Variants in WNT9B observed in about 807,000 individuals in gnomAD.
WNT9B encodes the protein Wnt family member 9B, also known as protein Wnt-9b.
Under a neutral mutation model 30.2 loss-of-function variants are expected in WNT9B, and 12 were observed. The ratio of observed to expected loss-of-function variants is 0.40; its 90% CI spans 0.26 to 0.64. The LOEUF (loss-of-function observed/expected upper bound fraction) is 0.64. Among genes scored for constraint, WNT9B ranks in the 30% least tolerant of loss-of-function variants. The pLI is 0.42. For synonymous variants in WNT9B, 218 were observed against 216.9 expected, an observed-to-expected ratio of 1.01 and a Z score of -0.05; for missense variants, 442 against 485.2, an observed-to-expected ratio of 0.91 and a Z score of 0.84.
chr17:46,847,357 T>G (rs1299153399), upstream of WNT9B, among the ~76,000 whole-genome samples: 1 of 152,206 alleles, frequency 6.6e-6, no homozygotes, highest in Non-Finnish European at 1.5e-5. Context: ...CTTTCTGGAC[T>G]TTAGTGCCCT....
At chr17:46,885,313 T>TC, downstream of WNT9B, 1 of 252,778 alleles carries the variant, frequency 4.0e-6, no homozygotes, top group Non-Finnish European at 7.8e-6. Flanking sequence ...GCCAGCATTT[T>TC]TTTTTTTGAG....
upstream of WNT9B, chr17:46,851,575 G>A: frequency 1.1e-6 from 1 of 924,102 alleles, no homozygotes; most frequent in Non-Finnish European, 1.4e-6. The surrounding 1 kb of genome is among the most constrained non-coding windows in gnomAD (Gnocchi z 4.3). Context: ...GCGGGCGGGT[G>A]GTGGCGGAGC....
rs1054975787 is a variant in WNT9B, at chr17:46,878,461, G to A, written c.*1743G>A. Among the ~76,000 whole-genome samples, 6 of 152,334 alleles carry A rather than the reference G, an allele frequency of 3.9e-5. No individual in the cohort carries two copies. The East Asian group carries it at 7.7e-4, about 20-fold the overall frequency. On this transcript the variant is annotated 3_prime_UTR_variant, in exon 4 of 4. Transcript: ENST00000290015. Reference sequence around the variant, plus strand: ...GCTGGAAGGATTTTTGACTGCAGAGGCCCGGCTGAGAAGCCAAACTGACCT... The same window carrying A: ...GCTGGAAGGATTTTTGACTGCAGAGACCCGGCTGAGAAGCCAAACTGACCT...
chr17:46,839,932 CTTTCTTTCTT>C (rs1272368790), intron 1 of WNT9B, among the ~76,000 whole-genome samples: 23 of 138,288 alleles, frequency 1.7e-4, no homozygotes, highest in Non-Finnish European at 3.2e-4. Context: ...TTCTTTCTTT[CTTTCTTTCTT>C]TCTTTCTTTC....
chr17:46,883,778 C>A (rs1024445722), downstream of WNT9B, among the ~76,000 whole-genome samples: 3 of 152,166 alleles, frequency 2.0e-5, no homozygotes, highest in East Asian at 1.9e-4. Flanking sequence ...ATCTTCCAGT[C>A]CTGCCACTTG....
chr17:46,869,891 C>T (rs1471814529), intron 1 of WNT9B, among the ~76,000 whole-genome samples: 4 of 151,624 alleles, frequency 2.6e-5, no homozygotes, highest in South Asian at 2.1e-4. Context: ...CCCAGCTACT[C>T]GGGAGGCTGA....
chr17:46,884,841 G>C (rs945552731), downstream of WNT9B, among the ~76,000 whole-genome samples: 11 of 152,144 alleles, frequency 7.2e-5, no homozygotes, highest in Admixed American at 5.2e-4. Context: ...GGAAGGGAGA[G>C]GCCGTGGAGC....
At chr17:46,853,159 C>T (rs996326459) in intron 1 of WNT9B, among the ~76,000 whole-genome samples, 3 of 152,140 alleles carry the variant, frequency 2.0e-5, no homozygotes, top group African/African-American at 7.2e-5. Flanking sequence ...GTCATCATCA[C>T]TAGGGCACAG....
In WNT9B at chr17:46,835,996, T is replaced by C. The variant is rs1288582859; in HGVS notation, c.95+2556T>C. 3.3e-5 allele frequency among the ~76,000 whole-genome samples: 5 copies of C among 151,874 alleles called. 1 individual carries two copies. In the South Asian group the frequency reaches 1.0e-3, roughly 32 times the overall value. On this transcript the variant is annotated intron_variant, in intron 1 of 2. Coordinates refer to the WNT9B transcript ENST00000575372. ...CCCTGGGAGACCCTGGACCTTAAAGTTATTGTGCCCACACATTCTGGATGG... is the reference window on the plus strand; with the variant it reads ...CCCTGGGAGACCCTGGACCTTAAAGCTATTGTGCCCACACATTCTGGATGG...
At chr17:46,836,933 T>C (rs1447866100) in intron 1 of WNT9B, among the ~76,000 whole-genome samples, 2 of 152,104 alleles carry the variant, frequency 1.3e-5, no homozygotes, top group African/African-American at 4.8e-5. Context: ...CCCTTGCAAG[T>C]ATTTCTTTTT....
rs766647977 is a variant in WNT9B at position 46,875,382 on chromosome 17, G to T, written c.600+16G>T. 1.9e-6 allele frequency: 3 copies of T among 1,576,942 alleles called. No individual in the cohort carries two copies. The highest frequency in any genetic ancestry group is 1.7e-4 in the Middle Eastern group (1 of 5,900). On this transcript the variant is annotated intron_variant, in intron 3 of 3. Transcript: ENST00000290015. ...GGGCATCAAGGTGAGCATGTCCCTG[G>T]CTGCCCGCAGTGCCTTCCCACCAGG...
intron 2 of WNT9B, among the ~76,000 whole-genome samples, chr17:46,873,132 A>G (rs1213242546): frequency 6.8e-6 from 1 of 146,014 alleles, no homozygotes; most frequent in Non-Finnish European, 1.5e-5. Flanking sequence ...ACACACACAC[A>G]CGAAACAAGG....
At position 46,878,537 on chromosome 17, in the gene WNT9B, C is replaced by T. The variant is rs2085380501; in HGVS notation, c.*1819C>T. On this transcript the variant is annotated 3_prime_UTR_variant, in exon 4 of 4. Transcript: ENST00000290015. ...GCTGACCCAAGCACCTGGCCCACAC[C>T]TTGGCAGCAGGAGAAAAATGGGGAG... 6.6e-6 allele frequency among the ~76,000 whole-genome samples: 1 copy of T among 152,228 alleles called. No individual in the cohort carries two copies. The highest frequency in any genetic ancestry group is 6.5e-5 in the Admixed American group (1 of 15,280).
At chr17:46,858,456 G>A (rs1028131949) in intron 1 of WNT9B, among the ~76,000 whole-genome samples, 1 of 151,402 alleles carries the variant, frequency 6.6e-6, no homozygotes, top group South Asian at 2.1e-4. Context: ...TTCTTCCTAC[G>A]TTTTCTCCTT....
rs778662348 is a variant in WNT9B, at chr17:46,877,375, A to G, written c.*657A>G. Among the ~76,000 whole-genome samples the G allele has an allele frequency of 2.0e-5, 3 of 152,120 alleles. No homozygotes were observed. Among genetic ancestry groups the G allele is most frequent in the Non-Finnish European group, 4.4e-5 (3 of 68,014 alleles). On this transcript the variant is annotated 3_prime_UTR_variant, in exon 4 of 4. Coordinates refer to ENST00000290015, the MANE Select transcript of WNT9B (RefSeq NM_003396.3). ...TGTGCCCTGGAGCCCTGTGTCCTTGATTTGGCTTTTCAAATATGCCTCCGC... is the reference window on the plus strand; with the variant it reads ...TGTGCCCTGGAGCCCTGTGTCCTTGGTTTGGCTTTTCAAATATGCCTCCGC...
In WNT9B at chr17:46,872,528, G is replaced by A. The variant is rs777511530; in HGVS notation, c.89G>A (p.Arg30Gln). The change falls in exon 2 of 4, where the codon CGG becomes CAG. Residue 30 changes from arginine (R) to glutamine (Q), a missense_variant. Physicochemically the swap from Arg to Gln is conservative, Grantham distance 43. Transcript: ENST00000290015. ...AAASYFGLTG[R>Q]EVLTPFPGLG... ...CTCGCTCTCTCTAGCCTGACCGGGC[G>A]GGAAGTCCTGACGCCCTTCCCAGGA... The A allele has an allele frequency of 2.7e-5, 42 of 1,543,830 alleles. No homozygotes were observed. Among genetic ancestry groups the A allele is most frequent in the South Asian group, 1.8e-4 (14 of 79,732 alleles).
Position 46,872,557 on chromosome 17 carries a change from G to C in WNT9B, c.118G>C (p.Gly40Arg). The change falls in exon 2 of 4, where the codon GGC (glycine) becomes CGC (arginine). Residue 40 changes from glycine (G) to arginine (R), a missense_variant. Transcript: ENST00000290015. ...REVLTPFPGLGTAAAPAQGGA... is the reference protein window; with the variant it reads ...REVLTPFPGLRTAAAPAQGGA... ...AGTCCTGACGCCCTTCCCAGGATTG[G>C]GCACTGCGGCAGCCCCGGCACAGGG... 2 of 1,584,498 alleles carry C rather than the reference G, an allele frequency of 1.3e-6. No homozygotes were observed. The highest frequency in any genetic ancestry group is 1.7e-6 in the Non-Finnish European group (2 of 1,163,284).
At chr17:46,837,223 G>A (rs1035323038) in intron 1 of WNT9B, among the ~76,000 whole-genome samples, 6 of 152,168 alleles carry the variant, frequency 3.9e-5, no homozygotes, top group Non-Finnish European at 7.4e-5. Flanking sequence ...TTACAGGCGT[G>A]AGCCACCGTG....
chr17:46,840,969 T>C (rs1034522937), intron 1 of WNT9B, among the ~76,000 whole-genome samples: 2 of 152,152 alleles, frequency 1.3e-5, no homozygotes, highest in African/African-American at 2.4e-5. Context: ...AAGCAGCCGG[T>C]TCTGTTTCCA....
Sources: allele counts gnomAD v4.1 joint callset (sites outside exome capture counted in the v4.1 genomes callset), GRCh38; gene constraint gnomAD v4.1.1; non-coding constraint Gnocchi (gnomAD v3.1); transcripts MANE v1.5; gene names NCBI Gene and HGNC (gene_info 2026-07-23, HGNC 2026-07-21).